The following ATMIN variants were observed in gnomAD, a reference collection of about 807,000 sequenced individuals.
ATMIN encodes ATM INteracting protein.
In ATMIN, 24 loss-of-function variants were observed where a neutral mutation model predicts 49.2. The observed-to-expected ratio is 0.49, with a 90% CI of 0.35 to 0.69. The LOEUF (loss-of-function observed/expected upper bound fraction) is 0.69. ATMIN is among the 30% of genes least tolerant of loss of function. The pLI is 0.00. For missense variants in ATMIN, 1,037 were observed against 1,005.5 expected, an observed-to-expected ratio of 1.03 and a Z score of -0.42; for synonymous variants, 450 against 392.5, an observed-to-expected ratio of 1.15 and a Z score of -1.73.
At chr16:81,041,669 G>A (rs892153566) in intron 2 of ATMIN, 188 bp downstream of exon 2, 9 of 624,962 alleles carry the variant, frequency 1.4e-5, no homozygotes, top group Non-Finnish European at 2.4e-5. Flanking sequence ...CGGTCTGGAG[G>A]GAATATGTCT....
rs1216497403 is a variant in ATMIN at position 81,044,422 on chromosome 16, T to C, written c.1924T>C (p.Phe642Leu). 3 of 1,614,004 alleles carry C rather than the reference T, an allele frequency of 1.9e-6. No individual in the cohort carries two copies. Among genetic ancestry groups the C allele is most frequent in the African/African-American group, 1.3e-5 (1 of 74,902 alleles). The change falls in exon 4 of 4, where the codon TTT becomes CTT. Residue 642 changes from phenylalanine (F) to leucine (L), a missense_variant. Transcript: ENST00000299575. ...PGIDFDIEEF[F>L]SASNIQTQTE... ...AATCGATTTTGATATCGAAGAGTTC[T>C]TTTCGGCCTCAAATATCCAGACTCA...
In ATMIN at chr16:81,044,815, GA is replaced by G; in HGVS notation, c.2320del (p.Thr774ProfsTer36). 6.2e-7 allele frequency: 1 copy of G among 1,614,188 alleles called. No homozygotes were observed. The highest frequency in any genetic ancestry group is 8.5e-7 in the Non-Finnish European group (1 of 1,180,032). ...TETQTMSSGFETLGSLFFTSN... is the reference protein window; with the variant it reads ...TETQTMSSGFXTLGSLFFTSN... ...AACACAGACCATGAGTTCTGGGTTT[GA>G]AACCCTGGGGAGCTTGTTCTTCACC... On this transcript the variant is annotated frameshift_variant, in exon 4 of 4. Transcript: ENST00000299575. LOFTEE classifies it high-confidence loss of function.
chr16:81,042,277 C>T lies in ATMIN; in HGVS notation c.463-4C>T. On this transcript the variant is annotated splice_region_variant and splice_polypyrimidine_tract_variant and intron_variant, in intron 2 of 3. Transcript: ENST00000299575. Reference sequence around the variant, plus strand: ...CACCTTAGTCCCTTCTGCGTTCCTCCTAGCACTTTATGAAAATGCATGCTG... The same window carrying T: ...CACCTTAGTCCCTTCTGCGTTCCTCTTAGCACTTTATGAAAATGCATGCTG... 3.1e-6 allele frequency: 5 copies of T among 1,612,534 alleles called. No homozygotes were observed. Among genetic ancestry groups the T allele is most frequent in the Admixed American group, 1.7e-5 (1 of 60,008 alleles).
At position 81,043,852 on chromosome 16, in the gene ATMIN, T is replaced by C; in HGVS notation, c.1354T>C (p.Ser452Pro). 1 of 1,614,122 alleles carries C rather than the reference T, an allele frequency of 6.2e-7. No homozygotes were observed. Among genetic ancestry groups the C allele is most frequent in the Non-Finnish European group, 8.5e-7 (1 of 1,179,962 alleles). Residue 452 changes from serine (S) to proline (P), a missense_variant, in exon 4 of 4, where the codon TCT becomes CCT. Coordinates refer to ENST00000299575, the MANE Select transcript of ATMIN (RefSeq NM_015251.3). ...TGATTTGTCGTTTGATTCTCAAGTG[T>C]CTCTTCCCATTAGTGTTCACACTCA... ...QTDLSFDSQV[S>P]LPISVHTQTF...
Position 81,043,704 on chromosome 16 carries a change from G to A in ATMIN, c.1206G>A (p.Thr402=), listed in dbSNP as rs148782024. The change falls in exon 4 of 4, where the codon ACG becomes ACA. Residue 402 remains threonine (T), a synonymous_variant. Coordinates refer to ENST00000299575, the MANE Select transcript of ATMIN (RefSeq NM_015251.3). ...PSNPLQELGN[T]CQKNSISSIN... is the part of the protein sequence containing the mutation. ...ATCCTTTACAAGAACTAGGGAACAC[G>A]TGTCAAAAGAATAGCATTTCTTCAA... 545 of 1,614,228 alleles carry A rather than the reference G, an allele frequency of 3.4e-4. 1 individual carries two copies. In the African/African-American group the frequency reaches 6.6e-3, roughly 19 times the overall value.
chr16:81,036,450 C>T (rs951422800), intron 1 of ATMIN, among the ~76,000 whole-genome samples: 2 of 152,224 alleles, frequency 1.3e-5, no homozygotes, highest in Non-Finnish European at 2.9e-5. Flanking sequence ...GCGCCAGTTC[C>T]CTGGTTCCCT....
At chr16:81,038,961 A>C (rs9929921) in intron 1 of ATMIN, among the ~76,000 whole-genome samples, 3,569 of 151,964 alleles carry the variant, frequency 0.023, 119 homozygotes, top group African/African-American at 0.081. Context: ...ACGCCCGACT[A>C]ATTTTTGTTT....
chr16:81,042,445 C>G lies in ATMIN; in HGVS notation c.627C>G (p.Ile209Met), dbSNP rs964374265. ...GTAGAACAGCACTGCAGTCTCACAT[C>G]TACCGAACTGGGCACGAGATACCTG... is the stretch of plus-strand genomic sequence containing the variant. Reference protein sequence around the residue: ...YASRTALQSHIYRTGHEIPAE... With the variant: ...YASRTALQSHMYRTGHEIPAE... The change falls in exon 3 of 4, where the codon ATC (isoleucine) becomes ATG (methionine). Residue 209 changes from isoleucine (I) to methionine (M), a missense_variant. By Grantham distance (10) the Ile-to-Met change is conservative. Coordinates refer to ENST00000299575, the MANE Select transcript of ATMIN (RefSeq NM_015251.3). The G allele has an allele frequency of 1.2e-6, 2 of 1,614,064 alleles. No individual in the cohort carries two copies.
rs772585750 is a variant in ATMIN, at chr16:81,037,936, G to A, written c.336+1730G>A. On this transcript the variant is annotated intron_variant, in intron 1 of 3. Transcript: ENST00000299575. The stretch of plus-strand genomic sequence containing the variant: ...ATTCCAGGTGTGAGCCACCGCGACC[G>A]ACCTAAATCCTTTATTTAATCATAA... Among the ~76,000 whole-genome samples the A allele has an allele frequency of 4.6e-5, 7 of 151,812 alleles. No homozygotes were observed. The East Asian group carries it at 5.9e-4, about 13-fold the overall frequency.
intron 2 of ATMIN, 105 bp downstream of exon 2, chr16:81,041,586 G>C (rs1034612948): frequency 9.8e-6 from 14 of 1,422,022 alleles, no homozygotes; most frequent in Non-Finnish European, 1.3e-5. Flanking sequence ...TGCTTGTGAG[G>C]GGAGATGCCT....
At chr16:81,037,801 A>C (rs1381106058) in intron 1 of ATMIN, among the ~76,000 whole-genome samples, 1 of 151,572 alleles carries the variant, frequency 6.6e-6, no homozygotes, top group African/African-American at 2.4e-5. Flanking sequence ...ACACCCTGCT[A>C]ATTTTTTTTT....
rs377206840 is a variant in ATMIN, at chr16:81,043,725, T to C, written c.1227T>C (p.Ser409=). The C allele has an allele frequency of 1.7e-5, 28 of 1,614,142 alleles. No homozygotes were observed. The African/African-American group carries it at 3.3e-4, about 19-fold the overall frequency. Residue 409 remains serine (S), a synonymous_variant, in exon 4 of 4, where the codon TCT becomes TCC. Coordinates refer to ENST00000299575, the MANE Select transcript of ATMIN (RefSeq NM_015251.3). ...ACACGTGTCAAAAGAATAGCATTTC[T>C]TCAATCAACGTGCAGACAGATCTGT... ...LGNTCQKNSI[S]SINVQTDLSY...
At chr16:81,039,311 T>A (rs764550495) in intron 1 of ATMIN, among the ~76,000 whole-genome samples, 1 of 152,322 alleles carries the variant, frequency 6.6e-6, no homozygotes, top group Non-Finnish European at 1.5e-5. Flanking sequence ...TTGCATAATT[T>A]CTTTCATTGT....
chr16:81,037,320 G>T, intron 1 of ATMIN: 1 of 985,456 alleles, frequency 1.0e-6, no homozygotes, highest in Non-Finnish European at 1.2e-6. Context: ...TCAGGCTTCT[G>T]ATAAGAATTT....
At chr16:81,036,299 G>A in intron 1 of ATMIN, 93 bp downstream of exon 1, 4 of 1,065,628 alleles carry the variant, frequency 3.8e-6, no homozygotes, top group Non-Finnish European at 2.3e-6. Flanking sequence ...GGGGGGACGA[G>A]CGCCCTGCGC....
chr16:81,038,962 A>G (rs1567563292), intron 1 of ATMIN, among the ~76,000 whole-genome samples: 1 of 151,914 alleles, frequency 6.6e-6, no homozygotes, highest in African/African-American at 2.4e-5. Flanking sequence ...CGCCCGACTA[A>G]TTTTTGTTTT....
chr16:81,035,909 G>C lies in ATMIN; in HGVS notation c.39G>C (p.Ala13=). The change falls in exon 1 of 4, where the codon GCG becomes GCC. Residue 13 remains alanine (A), a synonymous_variant. Transcript: ENST00000299575. ...ASEAAAAAGS[A]ALAAGARAVP... ...AGGCGGCGGCGGCGGCGGGGTCCGC[G>C]GCTCTGGCGGCGGGTGCCCGGGCCG... 2.0e-6 allele frequency: 2 copies of C among 985,958 alleles called. No individual in the cohort carries two copies. Among genetic ancestry groups the C allele is most frequent in the Non-Finnish European group, 2.4e-6 (2 of 831,560 alleles). The allele number at this position is 985,958 out of a possible 1,614,324, so 61.1% of individuals were successfully genotyped here.
At chr16:81,041,615 A>G (rs1971039074) in intron 2 of ATMIN, 134 bp downstream of exon 2, 5 of 1,184,436 alleles carry the variant, frequency 4.2e-6, no homozygotes, top group Non-Finnish European at 4.7e-6. Flanking sequence ...CCCAGTTGGT[A>G]TAAACCTGAG....
chr16:81,041,714 C>A (rs1428115951), intron 2 of ATMIN: 3 of 411,094 alleles, frequency 7.3e-6, no homozygotes, highest in Admixed American at 8.3e-5. Context: ...AGAGAGTAAA[C>A]CAGTTCAGCA....
Sources: gnomAD v4.1 joint callset for allele counts (sites outside exome capture counted in the v4.1 genomes callset) on GRCh38, gnomAD v4.1.1 for gene constraint, MANE v1.5 for transcripts, NCBI Gene and HGNC (gene_info 2026-07-23, HGNC 2026-07-21) for gene names.